Variants in PTPRK observed in about 807,000 individuals in gnomAD.
PTPRK encodes the protein protein tyrosine phosphatase receptor type K, also known as receptor-type tyrosine-protein phosphatase kappa.
In PTPRK, 75 loss-of-function variants were observed where a neutral mutation model predicts 178.0. The ratio of observed to expected loss-of-function variants is 0.42; its 90% CI spans 0.35 to 0.51. PTPRK has a LOEUF of 0.51. Among genes scored for constraint, PTPRK ranks in the 20% least tolerant of loss-of-function variants. The pLI, the probability that PTPRK is intolerant of heterozygous loss-of-function variation, is 0.02. For missense variants in PTPRK, 1,441 were observed against 1,797.8 expected, an observed-to-expected ratio of 0.80 and a Z score of 3.59; for synonymous variants, 637 against 620.6, an observed-to-expected ratio of 1.03 and a Z score of -0.39.
At chr6:128,435,074 A>C (rs12055860) in intron 1 of PTPRK, among the ~76,000 whole-genome samples, 4 of 94,832 alleles carry the variant, frequency 4.2e-5, no homozygotes, top group African/African-American at 2.6e-4. Context: ...GGAAGGAAGG[A>C]AGGAAGGAAG....
chr6:128,366,236 G>A (rs1031620262), intron 2 of PTPRK, among the ~76,000 whole-genome samples: 1 of 151,954 alleles, frequency 6.6e-6, no homozygotes, highest in Non-Finnish European at 1.5e-5. Flanking sequence ...TGATACTTTT[G>A]GAAAAGAGCA....
intron 7 of PTPRK, among the ~76,000 whole-genome samples, chr6:128,101,717 C>T (rs1788818398): frequency 6.6e-6 from 1 of 152,102 alleles, no homozygotes; most frequent in African/African-American, 2.4e-5. Flanking sequence ...TCTTCTAACA[C>T]ATAGTGCCAC....
intron 2 of PTPRK, among the ~76,000 whole-genome samples, chr6:128,353,197 A>G (rs1833432214): frequency 6.6e-6 from 1 of 152,252 alleles, no homozygotes; most frequent in Non-Finnish European, 1.5e-5. Flanking sequence ...CTATTGGAAC[A>G]GCTAAAATAA....
chr6:128,093,125 T>C (rs868761083), intron 7 of PTPRK, among the ~76,000 whole-genome samples: 26 of 152,316 alleles, frequency 1.7e-4, no homozygotes, highest in African/African-American at 6.3e-4. Context: ...TTTTGGAATA[T>C]GATATATGTT....
intron 1 of PTPRK, among the ~76,000 whole-genome samples, chr6:128,466,660 T>C (rs1005105316): frequency 6.6e-6 from 1 of 152,200 alleles, no homozygotes; most frequent in Non-Finnish European, 1.5e-5. Flanking sequence ...AAACGGATTT[T>C]ATGAGTACTC....
rs752673223 is a variant in PTPRK, at chr6:128,218,938, A to G, written c.852T>C (p.Ala284=). The G allele has an allele frequency of 1.2e-6, 2 of 1,612,308 alleles. No individual in the cohort carries two copies. Among genetic ancestry groups the G allele is most frequent in the South Asian group, 2.2e-5 (2 of 90,626 alleles). Residue 284 remains alanine (A), a synonymous_variant, in exon 6 of 30, where the codon GCT becomes GCC. Transcript: ENST00000368226. ...TCACCTTACCTCTCACAATAAGTTG[A>G]GCAAAATTGGACACACCGGAACCTC... ...SERGSGVSNF[A]QLIVREPPRP...
chr6:128,002,562 G>A (rs1463993553), intron 15 of PTPRK, among the ~76,000 whole-genome samples: 1 of 151,832 alleles, frequency 6.6e-6, no homozygotes, highest in African/African-American at 2.4e-5. Context: ...ATCTGTAAAA[G>A]CGTTAATTGT....
chr6:128,441,208 A>G (rs1351099972), intron 1 of PTPRK, among the ~76,000 whole-genome samples: 2 of 152,174 alleles, frequency 1.3e-5, no homozygotes, highest in Admixed American at 1.3e-4. Flanking sequence ...TTTTCTGTAA[A>G]TGGTTCATAT....
chr6:128,424,574 G>A (rs1276459675), intron 1 of PTPRK, among the ~76,000 whole-genome samples: 1 of 152,174 alleles, frequency 6.6e-6, no homozygotes, highest in East Asian at 1.9e-4. Flanking sequence ...TTCTGGCTCT[G>A]ATGTTCATTC....
At chr6:128,100,845 C>A (rs1016369491) in intron 7 of PTPRK, among the ~76,000 whole-genome samples, 2 of 151,736 alleles carry the variant, frequency 1.3e-5, no homozygotes, top group African/African-American at 2.4e-5. Flanking sequence ...TTTATAGTGG[C>A]CTTAGAAGAA....
At chr6:128,431,537 C>T (rs1439045803) in intron 1 of PTPRK, among the ~76,000 whole-genome samples, 2 of 152,032 alleles carry the variant, frequency 1.3e-5, no homozygotes, top group South Asian at 2.1e-4. Context: ...GCAGATGTCA[C>T]CAATAATGTC....
chr6:128,056,192 G>A (rs1203293775), intron 13 of PTPRK, among the ~76,000 whole-genome samples: 6 of 151,146 alleles, frequency 4.0e-5, no homozygotes, highest in Non-Finnish European at 7.4e-5. Context: ...AATTTCTCTG[G>A]TTTTCCAGCT....
intron 7 of PTPRK, among the ~76,000 whole-genome samples, chr6:128,097,839 A>T (rs965739083): frequency 6.6e-6 from 1 of 152,138 alleles, no homozygotes; most frequent in Non-Finnish European, 1.5e-5. Flanking sequence ...TTTTCATAAA[A>T]TTTTTTAGCA....
intron 5 of PTPRK, chr6:128,238,256 T>C (rs976613269): frequency 5.3e-6 from 2 of 376,760 alleles, no homozygotes; most frequent in Admixed American, 3.9e-5. Context: ...AGAAGTTTCA[T>C]AGAATATTTT....
intron 7 of PTPRK, among the ~76,000 whole-genome samples, chr6:128,123,501 C>T (rs1474647204): frequency 6.6e-6 from 1 of 151,926 alleles, no homozygotes; most frequent in Non-Finnish European, 1.5e-5. Flanking sequence ...AGGAAATTTC[C>T]AAAGATAGTA....
chr6:128,284,086 C>G (rs910117209), intron 3 of PTPRK, among the ~76,000 whole-genome samples: 6 of 152,188 alleles, frequency 3.9e-5, no homozygotes, highest in Non-Finnish European at 7.3e-5. Context: ...CAGCTCTTCA[C>G]AGTCTGGCTC....
Position 127,996,676 on chromosome 6 carries a change from G to A in PTPRK, c.2767+225C>T, listed in dbSNP as rs1347174727. Among the ~76,000 whole-genome samples, 3 of 151,988 alleles carry A rather than the reference G, an allele frequency of 2.0e-5. No homozygotes were observed. In the East Asian group the frequency reaches 5.8e-4, roughly 29 times the overall value. On this transcript the variant is annotated intron_variant, in intron 17 of 29. Transcript: ENST00000368226. ...AGTAGAAATAGAGTTTTGCCATGTTGGCCAGGCTGGTCTCAACCTCCTGAC... is the reference window on the plus strand; with the variant it reads ...AGTAGAAATAGAGTTTTGCCATGTTAGCCAGGCTGGTCTCAACCTCCTGAC...
At chr6:128,125,701 C>G (rs1265205887) in intron 7 of PTPRK, among the ~76,000 whole-genome samples, 1 of 150,110 alleles carries the variant, frequency 6.7e-6, no homozygotes, top group Non-Finnish European at 1.5e-5. Flanking sequence ...CCCCCGCCTC[C>G]CAGGTTCAAG....
intron 2 of PTPRK, among the ~76,000 whole-genome samples, chr6:128,334,965 G>A (rs951640633): frequency 3.9e-5 from 6 of 152,128 alleles, no homozygotes; most frequent in African/African-American, 1.4e-4. Context: ...GCGGGCACCT[G>A]TAATCCCAGC....
Sources: gnomAD v4.1 joint callset for allele counts (sites outside exome capture counted in the v4.1 genomes callset) on GRCh38, gnomAD v4.1.1 for gene constraint, MANE v1.5 for transcripts, NCBI Gene and HGNC (gene_info 2026-07-23, HGNC 2026-07-21) for gene names.